Variants in RPGRIP1L observed in about 807,000 individuals in gnomAD.
RPGRIP1L encodes the protein RPGRIP1 like.
Under a neutral mutation model 160.4 loss-of-function variants are expected in RPGRIP1L, and 131 were observed. The observed-to-expected ratio is 0.82, with a 90% CI of 0.71 to 0.94. The LOEUF (loss-of-function observed/expected upper bound fraction) is 0.94, where lower values mean the gene tolerates loss of function less well. Ranked by LOEUF, RPGRIP1L falls within the 40% of genes least tolerant of loss-of-function variation. The pLI, the probability that RPGRIP1L is intolerant of heterozygous loss-of-function variation, is 0.00. For synonymous variants in RPGRIP1L, 510 were observed against 515.8 expected (o/e 0.99, Z 0.15); for missense variants, 1,522 against 1,535.8 (o/e 0.99, Z 0.15).
At chr16:53,684,391 C>T (rs1331066717) in intron 6 of RPGRIP1L, among the ~76,000 whole-genome samples, 1 of 152,150 alleles carries the variant, frequency 6.6e-6, no homozygotes, top group Non-Finnish European at 1.5e-5. Flanking sequence ...GGCACATATA[C>T]ACCATGGAAT....
chr16:53,674,735 A>G (rs1434790687), intron 7 of RPGRIP1L, among the ~76,000 whole-genome samples: 1 of 152,152 alleles, frequency 6.6e-6, no homozygotes, highest in Non-Finnish European at 1.5e-5. Flanking sequence ...TTAAAAATAA[A>G]TTTCCTTGGT....
At chr16:53,654,981 T>C (rs777007649) in intron 14 of RPGRIP1L, among the ~76,000 whole-genome samples, 15 of 152,252 alleles carry the variant, frequency 9.9e-5, no homozygotes, top group Non-Finnish European at 1.9e-4. Flanking sequence ...AAACCCCTGA[T>C]GGTCTCTGAA....
chr16:53,674,902 C>G, intron 7 of RPGRIP1L, 115 bp downstream of exon 7: 1 of 686,408 alleles, frequency 1.5e-6, no homozygotes, highest in East Asian at 2.7e-5. Flanking sequence ...AAGAACAATC[C>G]TTCAAAATTA....
At chr16:53,671,624 T>A in intron 8 of RPGRIP1L, 41 bp from the exon 9 acceptor site, 1 of 1,037,674 alleles carries the variant, frequency 9.6e-7, no homozygotes, top group Non-Finnish European at 1.4e-6. Flanking sequence ...AAATATTATA[T>A]AAAACCACTT....
intron 8 of RPGRIP1L, among the ~76,000 whole-genome samples, chr16:53,671,986 T>C (rs1376730696): frequency 1.3e-5 from 2 of 151,726 alleles, no homozygotes; most frequent in South Asian, 2.1e-4. Flanking sequence ...AAGAGTTAAC[T>C]TTTTTTTAGG....
rs1963266918 is a variant in RPGRIP1L at position 53,598,572 on chromosome 16, T to C, written c.*3504A>G. 1 of 152,222 alleles carries C rather than the reference T, an allele frequency of 6.6e-6. No individual in the cohort carries two copies. Among genetic ancestry groups the C allele is most frequent in the Non-Finnish European group, 1.5e-5 (1 of 68,034 alleles). 9.4% of individuals were successfully genotyped at this position (152,222 alleles called of 1,614,324 possible). A position where few individuals can be genotyped will look rare whatever the true frequency, so the allele number is the denominator to read the frequency against. Reference sequence around the variant, plus strand: ...GAGATGTTTTCTAATTCTATATTTTTAGTTTTAAAAACACTTGTTTCTCTT... The same window carrying C: ...GAGATGTTTTCTAATTCTATATTTTCAGTTTTAAAAACACTTGTTTCTCTT... On this transcript the variant is annotated 3_prime_UTR_variant, in exon 27 of 27. Transcript: ENST00000647211.
chr16:53,606,866 G>A (rs1029164190), intron 25 of RPGRIP1L, among the ~76,000 whole-genome samples: 19 of 152,136 alleles, frequency 1.2e-4, no homozygotes, highest in African/African-American at 4.3e-4. Context: ...TGCCCACCTC[G>A]GCCTCCCAAA....
At chr16:53,690,334 T>TTTG (rs898025963) in intron 4 of RPGRIP1L, among the ~76,000 whole-genome samples, 1 of 152,112 alleles carries the variant, frequency 6.6e-6, no homozygotes, top group Non-Finnish European at 1.5e-5. Flanking sequence ...GTAGCTGGGA[T>TTTG]TACAGGTGCG....
intron 17 of RPGRIP1L, among the ~76,000 whole-genome samples, chr16:53,642,117 T>C (rs1966258316): frequency 6.6e-6 from 1 of 152,028 alleles, no homozygotes; most frequent in South Asian, 2.1e-4. Flanking sequence ...AGTCTCAAAT[T>C]TTAACAGTTG....
chr16:53,646,295 C>G (rs1966543480), intron 16 of RPGRIP1L, among the ~76,000 whole-genome samples: 1 of 152,068 alleles, frequency 6.6e-6, no homozygotes, highest in African/African-American at 2.4e-5. Context: ...TTCTTCAATT[C>G]TGTTAGATAA....
At chr16:53,646,113 T>G (rs972372284) in intron 16 of RPGRIP1L, 110 bp from the exon 17 acceptor site, 14 of 940,448 alleles carry the variant, frequency 1.5e-5, no homozygotes, top group Non-Finnish European at 2.1e-5. Context: ...CTGCATATTT[T>G]CACTTCATAA....
intron 6 of RPGRIP1L, among the ~76,000 whole-genome samples, chr16:53,679,470 C>T (rs1261775748): frequency 2.6e-5 from 4 of 151,688 alleles, no homozygotes; most frequent in East Asian, 3.9e-4. Context: ...GTCGTGATCT[C>T]GGCTCACTGC....
At chr16:53,649,257 G>T in intron 15 of RPGRIP1L, 142 bp from the exon 16 acceptor site, 1 of 659,296 alleles carries the variant, frequency 1.5e-6, no homozygotes, top group Non-Finnish European at 2.6e-6. Flanking sequence ...AATGATGTGA[G>T]ATTGGCAAAT....
Position 53,605,525 on chromosome 16 carries a change from T to C in RPGRIP1L, c.3791A>G (p.Asp1264Gly). 2 of 1,614,140 alleles carry C rather than the reference T, an allele frequency of 1.2e-6. No individual in the cohort carries two copies. The highest frequency in any genetic ancestry group is 2.2e-5 in the East Asian group (1 of 44,872). ...DIGVAHVDLADMFQEGRDLIE... is the reference protein window; with the variant it reads ...DIGVAHVDLAGMFQEGRDLIE... ...GAGGTCCCTCCCTTCCTGAAACATGTCGGCAAGGTCGACGTGAGCCACGCC... is the reference window on the plus strand; with the variant it reads ...GAGGTCCCTCCCTTCCTGAAACATGCCGGCAAGGTCGACGTGAGCCACGCC... Residue 1264 changes from aspartate (D) to glycine (G), a missense_variant, in exon 26 of 27, where the codon GAC becomes GGC. Coordinates refer to ENST00000647211, the MANE Select transcript of RPGRIP1L (RefSeq NM_015272.5).
At chr16:53,667,240 A>G (rs1170369195) in intron 9 of RPGRIP1L, among the ~76,000 whole-genome samples, 1 of 152,214 alleles carries the variant, frequency 6.6e-6, no homozygotes, top group African/African-American at 2.4e-5. Flanking sequence ...GCTTGTGGTC[A>G]CCGGCATGTC....
At chr16:53,684,303 T>C (rs1423493223) in intron 6 of RPGRIP1L, among the ~76,000 whole-genome samples, 2 of 152,166 alleles carry the variant, frequency 1.3e-5, no homozygotes, top group Admixed American at 6.5e-5. Flanking sequence ...CGTATGTTTA[T>C]TGTGGCACTA....
At chr16:53,628,636 T>A (rs1349150073) in intron 22 of RPGRIP1L, 2 of 152,222 alleles carry the variant, frequency 1.3e-5, no homozygotes, top group East Asian at 3.9e-4. Context: ...AAAGGTGATG[T>A]CTCCAGAATC....
At chr16:53,673,436 C>T (rs371437489) in intron 7 of RPGRIP1L, among the ~76,000 whole-genome samples, 1 of 152,094 alleles carries the variant, frequency 6.6e-6, no homozygotes, top group Non-Finnish European at 1.5e-5. Flanking sequence ...GCTGCCACAT[C>T]GTATAAACAG....
rs1967267844 is a variant in RPGRIP1L, at chr16:53,656,510, A to T, written c.1661T>A (p.Leu554His). 2 of 1,614,050 alleles carry T rather than the reference A, an allele frequency of 1.2e-6. No individual in the cohort carries two copies. Among genetic ancestry groups the T allele is most frequent in the African/African-American group, 2.7e-5 (2 of 75,074 alleles). The change falls in exon 14 of 27, where the codon CTT becomes CAT. Residue 554 changes from leucine (L) to histidine (H), a missense_variant. Coordinates refer to ENST00000647211, the MANE Select transcript of RPGRIP1L (RefSeq NM_015272.5). ...GATACGTGCAGCCCTGATATCAAGA[A>T]GATGAACATACTGTTCCACTTTGAG... is the stretch of plus-strand genomic sequence containing the variant. ...YELKVEQYVHLLDIRAARIHK... is the reference protein window; with the variant it reads ...YELKVEQYVHHLDIRAARIHK...
Sources: gnomAD v4.1 joint callset for allele counts (sites outside exome capture counted in the v4.1 genomes callset) on GRCh38, gnomAD v4.1.1 for gene constraint, MANE v1.5 for transcripts, NCBI Gene and HGNC (gene_info 2026-07-23, HGNC 2026-07-21) for gene names.